Variants in HELZ observed in about 807,000 individuals in gnomAD.
The protein encoded by HELZ is helicase with zinc finger, also known as ATP-dependent RNA helicase with zinc finger domain.
In HELZ, 23 loss-of-function variants were observed where a neutral mutation model predicts 218.2. The observed-to-expected ratio is 0.11, with a 90% confidence interval of 0.08 to 0.15. The LOEUF is 0.15. Ranked by LOEUF, HELZ falls within the 10% of genes least tolerant of loss-of-function variation. The pLI is 1.00. For missense variants in HELZ, 1,813 were observed against 2,353.7 expected (o/e 0.77, Z 4.75); for synonymous variants, 814 against 829.4 (o/e 0.98, Z 0.32).
At chr17:67,230,982 T>C (rs1172053678) in intron 3 of HELZ, among the ~76,000 whole-genome samples, 1 of 152,202 alleles carries the variant, frequency 6.6e-6, no homozygotes, top group Non-Finnish European at 1.5e-5. Context: ...TTATAAATAA[T>C]GGTCATCTCA....
rs1330579299 is a variant in HELZ, at chr17:67,075,448, CAT to C, written c.*2802_*2803del. On this transcript the variant is annotated 3_prime_UTR_variant, in exon 33 of 33. Transcript: ENST00000358691. ...AAAAATTTTATATACATATACTATA[CAT>C]ATATATGCATATATAAGGGTTGAAC... 2.0e-5 allele frequency: 3 copies of C among 152,070 alleles called. No individual in the cohort carries two copies. Among genetic ancestry groups the C allele is most frequent in the Admixed American group, 2.0e-4 (3 of 15,262 alleles). The allele number at this position is 152,070 out of a possible 1,614,324, so 9.4% of individuals were successfully genotyped here. A position where few individuals can be genotyped will look rare whatever the true frequency, so the allele number is the denominator to read the frequency against.
chr17:67,098,414 A>C (rs1370784705), intron 31 of HELZ, among the ~76,000 whole-genome samples: 2 of 152,208 alleles, frequency 1.3e-5, no homozygotes, highest in Non-Finnish European at 2.9e-5. Flanking sequence ...TTTTTCAATA[A>C]GAATATATTT....
chr17:67,232,594 G>C (rs925262665), intron 3 of HELZ, among the ~76,000 whole-genome samples: 1 of 152,164 alleles, frequency 6.6e-6, no homozygotes, highest in Non-Finnish European at 1.5e-5. Flanking sequence ...CTTTACTCTA[G>C]ACCCCATGCA....
intron 32 of HELZ, among the ~76,000 whole-genome samples, chr17:67,080,558 C>T (rs1392139502): frequency 6.6e-6 from 1 of 152,178 alleles, no homozygotes. Context: ...CCATCCAAAA[C>T]CTTAAACTGC....
Position 67,167,548 on chromosome 17 carries a change from T to C in HELZ, c.1679A>G (p.Glu560Gly). The part of the protein sequence containing the change: ...TKEKVYEATI[E>G]EKTKEYIFLR... ...AAATATATATTCCTTTGTTTTTTCT[T>C]CAATAGTAGCTTCATAAACCTTCTC... The change falls in exon 14 of 33, where the codon GAA (glutamate) becomes GGA (glycine). Residue 560 changes from glutamate (E) to glycine (G), a missense_variant. By Grantham distance (98) the Glu-to-Gly change is moderately conservative (BLOSUM62 -2). Transcript: ENST00000358691. The C allele has an allele frequency of 6.2e-7, 1 of 1,613,764 alleles. No homozygotes were observed. The highest frequency in any genetic ancestry group is 1.1e-5 in the South Asian group (1 of 91,062).
At position 67,074,063 on chromosome 17, in the gene HELZ, G is replaced by A. The variant is rs74885885; in HGVS notation, c.*4189C>T. On this transcript the variant is annotated 3_prime_UTR_variant, in exon 33 of 33. Transcript: ENST00000358691. The stretch of plus-strand genomic sequence containing the variant: ...ATTCTTTCTAATTTCTAGGCGGTTT[G>A]AATGTGGATCAGATGGCAAAGAGTG... 8.5e-5 allele frequency: 13 copies of A among 152,168 alleles called. No individual in the cohort carries two copies. The highest frequency in any genetic ancestry group is 2.7e-4 in the African/African-American group (11 of 41,444). The allele number at this position is 152,168 out of a possible 1,614,324, so 9.4% of individuals were successfully genotyped here. A position where few individuals can be genotyped will look rare whatever the true frequency, so the allele number is the denominator to read the frequency against.
In HELZ at chr17:67,223,691, G is replaced by A. The variant is rs566054891; in HGVS notation, c.-18-4869C>T. The stretch of plus-strand genomic sequence containing the variant: ...CACTTGAACCCAGGAGGCGAAGGTT[G>A]CAGTGAGCTGAGATTGCGCCATTGC... On this transcript the variant is annotated intron_variant, in intron 3 of 32. Transcript: ENST00000358691. Among the ~76,000 whole-genome samples, 26 of 152,230 alleles carry A rather than the reference G, an allele frequency of 1.7e-4. No individual in the cohort carries two copies. The East Asian group carries it at 4.9e-3, about 28-fold the overall frequency.
intron 5 of HELZ, among the ~76,000 whole-genome samples, chr17:67,205,343 C>T (rs2040268969): frequency 6.6e-6 from 1 of 151,638 alleles, no homozygotes; most frequent in Non-Finnish European, 1.5e-5. Flanking sequence ...AAAAAAATTG[C>T]TCTGAAGAAA....
At chr17:67,187,646 A>T (rs2039791910) in intron 12 of HELZ, among the ~76,000 whole-genome samples, 1 of 152,224 alleles carries the variant, frequency 6.6e-6, no homozygotes, top group African/African-American at 2.4e-5. Context: ...TATAAATCCA[A>T]CCAAGAGCAA....
chr17:67,147,796 C>G (rs974854816), intron 20 of HELZ, among the ~76,000 whole-genome samples: 7 of 152,180 alleles, frequency 4.6e-5, no homozygotes, highest in Non-Finnish European at 8.8e-5. Flanking sequence ...ACCCTATACT[C>G]TGAGGGAAGG....
intron 32 of HELZ, among the ~76,000 whole-genome samples, chr17:67,083,774 TC>T (rs2036270463): frequency 6.6e-6 from 1 of 152,220 alleles, no homozygotes; most frequent in African/African-American, 2.4e-5. Flanking sequence ...GAGGAGGGAT[TC>T]CCCACCCTCT....
intron 7 of HELZ, among the ~76,000 whole-genome samples, chr17:67,198,179 A>G (rs2040080215): frequency 6.6e-6 from 1 of 152,258 alleles, no homozygotes; most frequent in African/African-American, 2.4e-5. Flanking sequence ...AAGAAAAATA[A>G]TGGGAATAAA....
At chr17:67,201,928 A>C (rs1404230694) in intron 6 of HELZ, among the ~76,000 whole-genome samples, 1 of 152,198 alleles carries the variant, frequency 6.6e-6, no homozygotes, top group African/African-American at 2.4e-5. Flanking sequence ...ATAATTAAAC[A>C]ATTCACTGCA....
At chr17:67,236,774 T>C (rs1488024245) in intron 3 of HELZ, among the ~76,000 whole-genome samples, 1 of 152,164 alleles carries the variant, frequency 6.6e-6, no homozygotes, top group African/African-American at 2.4e-5. Flanking sequence ...TTATTATCAA[T>C]TTATTCAACA....
intron 8 of HELZ, among the ~76,000 whole-genome samples, chr17:67,195,042 G>C (rs1232904331): frequency 2.0e-5 from 3 of 152,130 alleles, no homozygotes; most frequent in Non-Finnish European, 2.9e-5. Flanking sequence ...AGTTTCATTA[G>C]GGCAGGAACA....
intron 32 of HELZ, among the ~76,000 whole-genome samples, chr17:67,082,980 C>A (rs1271902416): frequency 5.3e-5 from 8 of 151,632 alleles, no homozygotes; most frequent in Non-Finnish European, 1.2e-4. Flanking sequence ...CCTCAGCCTC[C>A]CAAGTAGCTG....
At chr17:67,152,672 G>T (rs1300050273) in intron 17 of HELZ, among the ~76,000 whole-genome samples, 1 of 151,390 alleles carries the variant, frequency 6.6e-6, no homozygotes, top group Admixed American at 6.6e-5. Context: ...ACATAAGTTT[G>T]GAGTTCAGGA....
chr17:67,213,350 G>T (rs1002182965), intron 5 of HELZ, among the ~76,000 whole-genome samples: 1 of 152,150 alleles, frequency 6.6e-6, no homozygotes, highest in African/African-American at 2.4e-5. Flanking sequence ...TAGGCCGGGC[G>T]CAGTGGCTCA....
At chr17:67,218,310 T>C (rs2040658989) in intron 4 of HELZ, among the ~76,000 whole-genome samples, 1 of 152,228 alleles carries the variant, frequency 6.6e-6, no homozygotes, top group South Asian at 2.1e-4. Context: ...GAGACTTTTC[T>C]TTCTCTTTCA....
Sources: gnomAD v4.1 joint callset for allele counts (sites outside exome capture counted in the v4.1 genomes callset) on GRCh38, gnomAD v4.1.1 for gene constraint, MANE v1.5 for transcripts, NCBI Gene and HGNC (gene_info 2026-07-23, HGNC 2026-07-21) for gene names.